NLRP6: variants seen among roughly 807,000 people sequenced by gnomAD.
NLRP6 encodes NACHT, LRR and PYD domains-containing protein 6.
Under a neutral mutation model 70.9 loss-of-function variants are expected in NLRP6, and 55 were observed. The ratio of observed to expected loss-of-function variants is 0.78; its 90% CI spans 0.62 to 0.97. The LOEUF is 0.97. Among genes scored for constraint, NLRP6 ranks in the 50% least tolerant of loss-of-function variants. NLRP6 has a pLI of 0.00. For missense variants in NLRP6, 1,241 were observed against 1,238.3 expected (o/e 1.00, Z -0.03); for synonymous variants, 652 against 581.9 (o/e 1.12, Z -1.73).
At chr11:282,566 A>G in intron 4 of NLRP6, 139 bp from the exon 5 acceptor site, 2 of 695,986 alleles carry the variant, frequency 2.9e-6, no homozygotes, top group East Asian at 2.7e-5. Flanking sequence ...TGGTTGGGGG[A>G]GTGTGAAGGG....
Position 284,637 on chromosome 11 carries a change from C to A in NLRP6, c.2532C>A (p.Thr844=), listed in dbSNP as rs746914347. The change falls in exon 7 of 8, where the codon ACC becomes ACA. Residue 844 remains threonine (T), a synonymous_variant. Coordinates refer to ENST00000534750, the MANE Select transcript of NLRP6 (RefSeq NM_001276700.2). The part of the protein sequence containing the change: ...VLQHQGCGLQ[T]LSLASVELSE... ...AGCACCAGGGATGCGGCCTGCAGACCCTCAGGTGGAGGCAGGGGTGGGAAG... is the reference window on the plus strand; with the variant it reads ...AGCACCAGGGATGCGGCCTGCAGACACTCAGGTGGAGGCAGGGGTGGGAAG... 13 of 1,603,942 alleles carry A rather than the reference C, an allele frequency of 8.1e-6. No homozygotes were observed. The highest frequency in any genetic ancestry group is 5.1e-6 in the Non-Finnish European group (6 of 1,178,330).
chr11:282,922 T>C lies in NLRP6; in HGVS notation c.2198+125T>C. 3 of 733,356 alleles carry C rather than the reference T, an allele frequency of 4.1e-6. No homozygotes were observed. In the South Asian group the frequency reaches 4.4e-5, roughly 11 times the overall value. 45.4% of individuals were successfully genotyped at this position (733,356 alleles called of 1,614,324 possible). On this transcript the variant is annotated intron_variant, in intron 5 of 7. Coordinates refer to ENST00000534750, the MANE Select transcript of NLRP6 (RefSeq NM_001276700.2). ...CAGACCAGAGCCTGAGGCCTGTGGG[T>C]GCTGGAGATGGCAGGCTCTGCCCAC... is the stretch of plus-strand genomic sequence containing the variant.
chr11:284,387 G>C lies in NLRP6; in HGVS notation c.2356G>C (p.Val786Leu). ...SEGLAWPQCRVQTVRVQLPDP... is the reference protein window; with the variant it reads ...SEGLAWPQCRLQTVRVQLPDP... ...GGGCCTAGCCTGGCCGCAGTGCAGG[G>C]TGCAGACGGTCAGGTGAGGCCTGGC... Residue 786 changes from valine to leucine, a missense_variant, in exon 6 of 8, where the codon GTG becomes CTG. By Grantham distance (32) the Val-to-Leu change is conservative. Transcript: ENST00000534750. The C allele has an allele frequency of 6.3e-7, 1 of 1,599,604 alleles. No individual in the cohort carries two copies.
chr11:279,332 G>A lies in NLRP6; in HGVS notation c.35G>A (p.Gly12Glu). ...CCGCGCCCGCCCGCCTCCAGCACGG[G>A]GCCGCGCCTCGCGGTGGCCCGCGAG... ...DQPEAPCSST[G>E]PRLAVARELL... Residue 12 changes from glycine (G) to glutamate (E), a missense_variant, in exon 2 of 8, where the codon GGG becomes GAG. Physicochemically the swap from Gly to Glu is moderately conservative, Grantham distance 98. Coordinates refer to ENST00000534750, the MANE Select transcript of NLRP6 (RefSeq NM_001276700.2). The A allele has an allele frequency of 3.9e-6, 5 of 1,289,230 alleles. No homozygotes were observed. Among genetic ancestry groups the A allele is most frequent in the Non-Finnish European group, 4.9e-6 (5 of 1,018,162 alleles). The allele number at this position is 1,289,230 out of a possible 1,614,324, so 79.9% of individuals were successfully genotyped here.
chr11:282,627 C>A, intron 4 of NLRP6, 78 bp from the exon 5 acceptor site: 2 of 1,131,974 alleles, frequency 1.8e-6, no homozygotes, highest in Non-Finnish European at 2.7e-6. Flanking sequence ...GACCCCAGGA[C>A]TACAGATAGA....
In NLRP6 at chr11:279,342, C is replaced by A. The variant is rs1036100877; in HGVS notation, c.45C>A (p.Leu15=). The change falls in exon 2 of 8, where the codon CTC becomes CTA. Residue 15 remains leucine, a synonymous_variant. Coordinates refer to ENST00000534750, the MANE Select transcript of NLRP6 (RefSeq NM_001276700.2). Reference sequence around the variant, plus strand: ...CCGCCTCCAGCACGGGGCCGCGCCTCGCGGTGGCCCGCGAGCTGCTCCTGG... The same window carrying A: ...CCGCCTCCAGCACGGGGCCGCGCCTAGCGGTGGCCCGCGAGCTGCTCCTGG... ...EAPCSSTGPR[L]AVARELLLAA... is the part of the protein sequence containing the mutation. 79 of 1,290,678 alleles carry A rather than the reference C, an allele frequency of 6.1e-5. No homozygotes were observed. The East Asian group carries it at 2.5e-3, about 41-fold the overall frequency. 80.0% of individuals were successfully genotyped at this position (1,290,678 alleles called of 1,614,324 possible). A position where few individuals can be genotyped will look rare whatever the true frequency, so the allele number is the denominator to read the frequency against.
In NLRP6 at chr11:280,799, G is replaced by A. The variant is rs1845462151; in HGVS notation, c.1065G>A (p.Lys355=). ...EVRGFSDKDK[K]KYFYKYFRDE... is the part of the protein sequence containing the mutation. ...GCGGCTTCTCCGACAAGGACAAGAA[G>A]AAGTATTTCTACAAGTATTTCCGGG... Residue 355 remains lysine (K), a synonymous_variant, in exon 4 of 8, where the codon AAG becomes AAA. Coordinates refer to ENST00000534750, the MANE Select transcript of NLRP6 (RefSeq NM_001276700.2). 3 of 1,612,856 alleles carry A rather than the reference G, an allele frequency of 1.9e-6. No individual in the cohort carries two copies. The highest frequency in any genetic ancestry group is 2.5e-6 in the Non-Finnish European group (3 of 1,179,830).
In NLRP6 at chr11:280,893, G is replaced by C. The variant is rs1845464931; in HGVS notation, c.1159G>C (p.Val387Leu). 1.2e-6 allele frequency: 2 copies of C among 1,613,208 alleles called. No homozygotes were observed. The highest frequency in any genetic ancestry group is 2.7e-5 in the African/African-American group (2 of 74,946). Residue 387 changes from valine (V) to leucine (L), a missense_variant, in exon 4 of 8, where the codon GTG becomes CTG. Transcript: ENST00000534750. ...ENETLFALCF[V>L]PFVCWIVCTV... ...CGAGACGCTGTTCGCGCTGTGCTTC[G>C]TGCCCTTCGTGTGCTGGATCGTGTG...
intron 3 of NLRP6, 85 bp from the exon 4 acceptor site, chr11:279,999 G>T: frequency 7.1e-7 from 1 of 1,415,976 alleles, no homozygotes; most frequent in Non-Finnish European, 9.3e-7. Context: ...GGCCTGAGCA[G>T]GGCCGGGGAG....
At position 284,336 on chromosome 11, in the gene NLRP6, G is replaced by A. The variant is rs1367981297; in HGVS notation, c.2305G>A (p.Glu769Lys). ...ELGLLHNRLS[E>K]AGLRMLSEGL... ...GGGCCTCCTCCACAACAGGCTCAGT[G>A]AGGCGGGACTGCGTATGCTGAGTGA... The change falls in exon 6 of 8, where the codon GAG becomes AAG. Residue 769 changes from glutamate (E) to lysine (K), a missense_variant. Physicochemically the swap from Glu to Lys is moderately conservative, Grantham distance 56. Transcript: ENST00000534750. The A allele has an allele frequency of 1.9e-6, 3 of 1,611,678 alleles. No homozygotes were observed. The highest frequency in any genetic ancestry group is 2.2e-5 in the South Asian group (2 of 91,064).
chr11:281,943 A>C, intron 4 of NLRP6, 104 bp downstream of exon 4: 5 of 1,044,560 alleles, frequency 4.8e-6, no homozygotes, highest in Admixed American at 5.6e-5. Flanking sequence ...CCTCCAGACC[A>C]GACCCTGGCT....
intron 4 of NLRP6, among the ~76,000 whole-genome samples, chr11:282,188 T>C (rs890619773): frequency 6.6e-6 from 1 of 152,008 alleles, no homozygotes; most frequent in African/African-American, 2.4e-5. Flanking sequence ...TCCCTCCACC[T>C]AGAATATTCT....
chr11:279,194 A>C, intron 1 of NLRP6, 133 bp from the exon 2 acceptor site: 30 of 755,580 alleles, frequency 4.0e-5, no homozygotes, highest in Non-Finnish European at 4.0e-5. Context: ...CCGCCACCCC[A>C]TGGATCCAGA....
chr11:278,476 T>C lies in NLRP6; in HGVS notation c.-94T>C. ...GGGGAATGGACCGGGCTGGACAACC[T>C]CTAAGACTTGGCTCCAGCTCAGCCT... is the stretch of plus-strand genomic sequence containing the variant. On this transcript the variant is annotated 5_prime_UTR_variant, in exon 1 of 8. Transcript: ENST00000534750. The surrounding 1 kb of genome is among the most constrained non-coding windows in gnomAD (Gnocchi z 4.7). 1 of 1,120,956 alleles carries C rather than the reference T, an allele frequency of 8.9e-7. No homozygotes were observed. The highest frequency in any genetic ancestry group is 1.2e-6 in the Non-Finnish European group (1 of 803,412). The allele number at this position is 1,120,956 out of a possible 1,614,324, so 69.4% of individuals were successfully genotyped here. A position where few individuals can be genotyped will look rare whatever the true frequency, so the allele number is the denominator to read the frequency against.
In NLRP6 at chr11:280,294, GCCGCGACGAGGAGGGCCGGCGGCC is replaced by G; in HGVS notation, c.561_584del (p.Arg188_Pro195del). Reference sequence around the variant, plus strand: ...ACGCACACTTTCAACCGCCTCTTCCGCCGCGACGAGGAGGGCCGGCGGCCGCTGACCGTGGTGCTGCAGGGCCCG... The same window carrying G: ...ACGCACACTTTCAACCGCCTCTTCCGGCTGACCGTGGTGCTGCAGGGCCCG... On this transcript the variant is annotated inframe_deletion, in exon 4 of 8. Transcript: ENST00000534750. 1 of 1,502,482 alleles carries G rather than the reference GCCGCGACGAGGAGGGCCGGCGGCC, an allele frequency of 6.7e-7. No homozygotes were observed. The highest frequency in any genetic ancestry group is 8.9e-7 in the Non-Finnish European group (1 of 1,126,722). The allele number at this position is 1,502,482 out of a possible 1,614,324, so 93.1% of individuals were successfully genotyped here.
chr11:283,593 A>G lies in NLRP6; in HGVS notation c.2199-637A>G, dbSNP rs575938915. The stretch of plus-strand genomic sequence containing the variant: ...CTCCCAAAGTGCTGGGATCACAGGC[A>G]TGAGCCACCGCGCCCGGCCACATGT... On this transcript the variant is annotated intron_variant, in intron 5 of 7. Coordinates refer to ENST00000534750, the MANE Select transcript of NLRP6 (RefSeq NM_001276700.2). Among the ~76,000 whole-genome samples, 701 of 152,204 alleles carry G rather than the reference A, an allele frequency of 4.6e-3. 2 individuals are homozygous for G. The highest frequency in any genetic ancestry group is 0.014 in the African/African-American group (561 of 41,516).
At chr11:284,054 C>CG (rs1209509016) in intron 5 of NLRP6, among the ~76,000 whole-genome samples, 176 bp from the exon 6 acceptor site, 1 of 152,086 alleles carries the variant, frequency 6.6e-6, no homozygotes, top group Non-Finnish European at 1.5e-5. Context: ...CACAGCTCCC[C>CG]GGGGGTGCAT....
In NLRP6 at chr11:279,832, A is replaced by AG. The variant is rs1237362421; in HGVS notation, c.312dup. On this transcript the variant is annotated splice_acceptor_variant, in intron 2 of 7. Transcript: ENST00000534750. LOFTEE classifies it high-confidence loss of function. ...GGAACCTCACCCCAGTTTCCCTTCC[A>AG]GGGCTCGGGCTCGGCTCCGGGACGC... 1 of 1,579,048 alleles carries AG rather than the reference A, an allele frequency of 6.3e-7. No individual in the cohort carries two copies. The highest frequency in any genetic ancestry group is 8.6e-7 in the Non-Finnish European group (1 of 1,166,096).
chr11:284,246 C>A lies in NLRP6; in HGVS notation c.2215C>A (p.Leu739Ile), dbSNP rs763384225. Residue 739 changes from leucine (L) to isoleucine (I), a missense_variant, in exon 6 of 8, where the codon CTC becomes ATC. Leu to Ile is a conservative substitution (Grantham distance 5, BLOSUM62 2). Transcript: ENST00000534750. Reference sequence around the variant, plus strand: ...TGACCACAGGCTGTCCCACTGCAAACTCCCTGACGCGGTCTGCCGAGACCT... The same window carrying A: ...TGACCACAGGCTGTCCCACTGCAAAATCCCTGACGCGGTCTGCCGAGACCT... Reference protein sequence around the residue: ...LSSLTLSHCKLPDAVCRDLSE... With the variant: ...LSSLTLSHCKIPDAVCRDLSE... 2 of 1,613,160 alleles carry A rather than the reference C, an allele frequency of 1.2e-6. No homozygotes were observed. The highest frequency in any genetic ancestry group is 2.2e-5 in the East Asian group (1 of 44,902).
Sources: gnomAD v4.1 joint callset for allele counts (sites outside exome capture counted in the v4.1 genomes callset) on GRCh38, gnomAD v4.1.1 for gene constraint, Gnocchi (gnomAD v3.1) non-coding constraint, MANE v1.5 for transcripts, NCBI Gene and HGNC (gene_info 2026-07-23, HGNC 2026-07-21) for gene names.